DNM1: variants seen among roughly 807,000 people sequenced by gnomAD.
DNM1 encodes the protein dynamin-1.
DNM1 carries 29 observed loss-of-function variants against 104.6 expected under a neutral mutation model. The observed-to-expected ratio is 0.28, with a 90% CI of 0.21 to 0.38. The LOEUF is 0.38. DNM1 is among the 10% of genes least tolerant of loss of function. The pLI is 1.00. For synonymous variants in DNM1, 445 were observed against 475.8 expected, an observed-to-expected ratio of 0.94 and a Z score of 0.84; for missense variants, 640 against 1,189.4, an observed-to-expected ratio of 0.54 and a Z score of 6.79.
chr9:128,253,220 C>A lies in DNM1; in HGVS notation c.2535-1434C>A. ...CTCCACACGGGGCGCGCACCTGGGA[C>A]CTCAGAGCCAGGCTCCCCGCCCCTC... On this transcript the variant is annotated intron_variant, in intron 21 of 21. Coordinates refer to ENST00000372923, the MANE Select transcript of DNM1 (RefSeq NM_004408.4). This position sits in a 1 kb window ranked among gnomAD's most constrained non-coding sequence, Gnocchi z 5.9. 1 of 1,374,578 alleles carries A rather than the reference C, an allele frequency of 7.3e-7. No homozygotes were observed. Among genetic ancestry groups the A allele is most frequent in the Non-Finnish European group, 1.0e-6 (1 of 984,552 alleles). 85.1% of individuals were successfully genotyped at this position (1,374,578 alleles called of 1,614,324 possible).
chr9:128,249,973 G>A lies in DNM1; in HGVS notation c.2077-142G>A, dbSNP rs954302211. On this transcript the variant is annotated intron_variant, in intron 19 of 21. Coordinates refer to ENST00000372923, the MANE Select transcript of DNM1 (RefSeq NM_004408.4). ...ATCTGAGTGAGAAAAGCGCGGTGGG[G>A]AGGTGAATCTTCCAGTCTACGCAGT... 3.3e-6 allele frequency: 4 copies of A among 1,213,958 alleles called. No homozygotes were observed. The South Asian group carries it at 5.7e-5, about 17-fold the overall frequency. 75.2% of individuals were successfully genotyped at this position (1,213,958 alleles called of 1,614,324 possible).
chr9:128,250,717 G>T lies in DNM1; in HGVS notation c.2319-8G>T. ...CTCTCCTTGTTCCTCGCTCCCTGTC[G>T]CCCTCAGGTCGCCCACGTCCAGCCC... On this transcript the variant is annotated splice_polypyrimidine_tract_variant and splice_region_variant and intron_variant, in intron 20 of 21. Coordinates refer to ENST00000372923, the MANE Select transcript of DNM1 (RefSeq NM_004408.4). 4.1e-6 allele frequency: 6 copies of T among 1,460,542 alleles called. No individual in the cohort carries two copies. The highest frequency in any genetic ancestry group is 1.3e-5 in the South Asian group (1 of 76,010). The allele number at this position is 1,460,542 out of a possible 1,614,324, so 90.5% of individuals were successfully genotyped here. A position where few individuals can be genotyped will look rare whatever the true frequency, so the allele number is the denominator to read the frequency against.
Position 128,248,742 on chromosome 9 carries a change from A to G in DNM1, c.2065A>G (p.Met689Val). ...CATGCCCAAGACCATCATGCACCTC[A>G]TGATTAACAATGTGCGTGCTCCACT... Reference protein sequence around the residue: ...DLMPKTIMHLMINNTKEFIFS... With the variant: ...DLMPKTIMHLVINNTKEFIFS... The change falls in exon 19 of 22, where the codon ATG becomes GTG. Residue 689 changes from methionine to valine, a missense_variant. By Grantham distance (21) the Met-to-Val change is conservative. Transcript: ENST00000372923. The surrounding 1 kb of genome is among the most constrained non-coding windows in gnomAD (Gnocchi z 5.6). The G allele has an allele frequency of 6.2e-7, 1 of 1,612,946 alleles. No individual in the cohort carries two copies. Among genetic ancestry groups the G allele is most frequent in the Admixed American group, 1.7e-5 (1 of 59,998 alleles).
intron 10 of DNM1, 40 bp from the exon 11 acceptor site, chr9:128,233,981 C>A: frequency 1.9e-6 from 3 of 1,541,886 alleles, no homozygotes; most frequent in Non-Finnish European, 2.6e-6. Flanking sequence ...TGCCCGTGCC[C>A]TCTGTGTACG....
chr9:128,248,899 A>C lies in DNM1; in HGVS notation c.2076+146A>C. On this transcript the variant is annotated intron_variant, in intron 19 of 21. Transcript: ENST00000372923. This position sits in a 1 kb window ranked among gnomAD's most constrained non-coding sequence, Gnocchi z 5.6. Reference sequence around the variant, plus strand: ...GTCCAGACCAGAGCTGTCCAATAGAAATATCATGAGGGGCTGGGCGCGGTG... The same window carrying C: ...GTCCAGACCAGAGCTGTCCAATAGACATATCATGAGGGGCTGGGCGCGGTG... The C allele has an allele frequency of 1.1e-6, 1 of 887,366 alleles. No individual in the cohort carries two copies. The highest frequency in any genetic ancestry group is 1.7e-6 in the Non-Finnish European group (1 of 587,040). The allele number at this position is 887,366 out of a possible 1,614,324, so 55.0% of individuals were successfully genotyped here.
rs758360692 is a variant in DNM1, at chr9:128,220,929, C to CTTTCTTTCTTTCT, written c.849+595_849+596insCTTTCTTTTCTTT. 4.7e-4 allele frequency among the ~76,000 whole-genome samples: 60 copies of CTTTCTTTCTTTCT among 128,956 alleles called. No homozygotes were observed. Among genetic ancestry groups the CTTTCTTTCTTTCT allele is most frequent in the Admixed American group, 1.8e-3 (24 of 12,994 alleles). 84.6% of individuals were successfully genotyped at this position (128,956 alleles called of 152,430 possible). A position where few individuals can be genotyped will look rare whatever the true frequency, so the allele number is the denominator to read the frequency against. On this transcript the variant is annotated intron_variant, in intron 6 of 21. Transcript: ENST00000372923. The surrounding 1 kb of genome is among the most constrained non-coding windows in gnomAD (Gnocchi z 5.2). ...TCTTTCTTTCTTTCTTTCTTTCTTT[C>CTTTCTTTCTTTCT]TTTCTTTTCTTTTCTTTCTTTCTTT...
intron 11 of DNM1, among the ~76,000 whole-genome samples, chr9:128,236,655 A>G (rs778453613): frequency 1.3e-5 from 2 of 152,068 alleles, no homozygotes; most frequent in Non-Finnish European, 2.9e-5. Flanking sequence ...GTTTGAGACC[A>G]GCCAGGGCAA....
Position 128,248,799 on chromosome 9 carries a change from G to A in DNM1, c.2076+46G>A, listed in dbSNP as rs1163011430. ...GGGCAGGGAAATCCTGTGGCACTGG[G>A]GATGCAGGTGGCCATGTTGGCCTGG... On this transcript the variant is annotated intron_variant, in intron 19 of 21. Coordinates refer to ENST00000372923, the MANE Select transcript of DNM1 (RefSeq NM_004408.4). This position sits in a 1 kb window ranked among gnomAD's most constrained non-coding sequence, Gnocchi z 5.6. The A allele has an allele frequency of 3.8e-6, 6 of 1,589,210 alleles. No individual in the cohort carries two copies. The highest frequency in any genetic ancestry group is 8.6e-7 in the Non-Finnish European group (1 of 1,162,146).
Position 128,222,712 on chromosome 9 carries a change from T to TA in DNM1, c.1129-80dup. ...CCCCACAGGCCCTGATGCCCAGCCC[T>TA]AGGTGTGGGGTGGGCCCTGTCTTGA... On this transcript the variant is annotated intron_variant, in intron 8 of 21. Coordinates refer to ENST00000372923, the MANE Select transcript of DNM1 (RefSeq NM_004408.4). This position sits in a 1 kb window ranked among gnomAD's most constrained non-coding sequence, Gnocchi z 7.8. The TA allele has an allele frequency of 6.3e-7, 1 of 1,592,496 alleles. No individual in the cohort carries two copies. The highest frequency in any genetic ancestry group is 1.1e-5 in the South Asian group (1 of 90,142).
Position 128,250,240 on chromosome 9 carries a change from A to T in DNM1, c.2202A>T (p.Ala734=), listed in dbSNP as rs1279625181. 2 of 1,614,120 alleles carry T rather than the reference A, an allele frequency of 1.2e-6. No individual in the cohort carries two copies. Among genetic ancestry groups the T allele is most frequent in the Non-Finnish European group, 1.7e-6 (2 of 1,180,010 alleles). ...ACGAGATGCTGCGCATGTACCACGC[A>T]CTGAAGGAGGCGCTCAGCATCATCG... ...RRDEMLRMYH[A]LKEALSIIGD... The change falls in exon 20 of 22, where the codon GCA becomes GCT. Residue 734 remains alanine, a synonymous_variant. Transcript: ENST00000372923.
At chr9:128,227,266 G>A (rs1329323513) in intron 10 of DNM1, among the ~76,000 whole-genome samples, 3 of 151,524 alleles carry the variant, frequency 2.0e-5, no homozygotes, top group South Asian at 2.1e-4. Context: ...CACCTGCCTC[G>A]GCCTCCCAAA....
chr9:128,229,720 G>C (rs1050980824), intron 10 of DNM1, among the ~76,000 whole-genome samples: 5 of 151,402 alleles, frequency 3.3e-5, no homozygotes, highest in African/African-American at 9.7e-5. Flanking sequence ...TTTGAGACCA[G>C]TCTCGCCAAA....
At chr9:128,227,820 T>G (rs1835437555) in intron 10 of DNM1, among the ~76,000 whole-genome samples, 1 of 152,172 alleles carries the variant, frequency 6.6e-6, no homozygotes, top group South Asian at 2.1e-4. Context: ...ATGAACATCC[T>G]TATAGATGTA....
intron 1 of DNM1, among the ~76,000 whole-genome samples, chr9:128,210,657 T>A (rs1170192253): frequency 6.6e-6 from 1 of 152,046 alleles, no homozygotes; most frequent in Non-Finnish European, 1.5e-5. Flanking sequence ...GCCACCAGGT[T>A]TTTAGATGGC....
chr9:128,204,579 C>T (rs1564316527), intron 1 of DNM1, among the ~76,000 whole-genome samples: 1 of 152,126 alleles, frequency 6.6e-6, no homozygotes, highest in African/African-American at 2.4e-5. Context: ...CCCGCAGGCT[C>T]CCCACAAACC....
Position 128,254,195 on chromosome 9 carries a change from CT to C in DNM1, c.2535-455del. On this transcript the variant is annotated intron_variant, in intron 21 of 21. Transcript: ENST00000372923. This position sits in a 1 kb window ranked among gnomAD's most constrained non-coding sequence, Gnocchi z 6.1. ...CCTCCGGCGCTCCCTCCAGCCATCC[CT>C]TTTAGTTTCACCCTCCTGGTTCAAG... The C allele has an allele frequency of 7.5e-7, 1 of 1,328,152 alleles. No homozygotes were observed. The highest frequency in any genetic ancestry group is 9.6e-7 in the Non-Finnish European group (1 of 1,047,110). 82.3% of individuals were successfully genotyped at this position (1,328,152 alleles called of 1,614,324 possible).
At chr9:128,217,878 A>G (rs557596139) in intron 1 of DNM1, among the ~76,000 whole-genome samples, 6 of 152,274 alleles carry the variant, frequency 3.9e-5, no homozygotes, top group Admixed American at 2.0e-4. Context: ...CATTGGACAC[A>G]TAGGCATGTG....
intron 10 of DNM1, among the ~76,000 whole-genome samples, chr9:128,228,078 G>A (rs958373846): frequency 6.6e-6 from 1 of 151,928 alleles, no homozygotes; most frequent in Non-Finnish European, 1.5e-5. Context: ...TTTCACGCTT[G>A]TTGCCCAGGC....
At chr9:128,221,359 G>A (rs1196233070) in intron 6 of DNM1, 1 of 152,132 alleles carries the variant, frequency 6.6e-6, no homozygotes, top group African/African-American at 2.4e-5. Context: ...CAAAGTGCTG[G>A]GATAACAGGC....
Sources: gnomAD v4.1 joint callset for allele counts (sites outside exome capture counted in the v4.1 genomes callset) on GRCh38, gnomAD v4.1.1 for gene constraint, Gnocchi (gnomAD v3.1) non-coding constraint, MANE v1.5 for transcripts, NCBI Gene and HGNC (gene_info 2026-07-23, HGNC 2026-07-21) for gene names.